Variants in CHST9 observed in about 807,000 individuals in gnomAD.
CHST9 encodes the protein GalNAc-4-sulfotransferase 2.
CHST9 carries 41 observed loss-of-function variants against 44.4 expected under a neutral mutation model. The ratio of observed to expected loss-of-function variants is 0.92; its 90% confidence interval spans 0.72 to 1.20. CHST9 has a LOEUF of 1.20. CHST9 is among the 50% of genes most tolerant of loss of function. The pLI, the probability that CHST9 is intolerant of heterozygous loss-of-function variation, is 0.00. For missense variants in CHST9, 504 were observed against 516.5 expected (o/e 0.98, Z 0.23); for synonymous variants, 171 against 178.4 (o/e 0.96, Z 0.33).
intron 4 of CHST9, 132 bp downstream of exon 4, chr18:27,023,984 G>A (rs1188325812): frequency 5.9e-6 from 5 of 852,412 alleles, no homozygotes; most frequent in African/African-American, 5.2e-5. Context: ...CCTAGGCAGT[G>A]CTTCCTAGGG....
At chr18:27,148,262 T>A (rs34605545) in intron 1 of CHST9, among the ~76,000 whole-genome samples, 59,555 of 151,302 alleles carry the variant, frequency 0.39, 12,233 homozygotes, top group East Asian at 0.62. Flanking sequence ...TTTTTTAATT[T>A]TATTATTATT....
At chr18:26,920,141 A>G (rs1285606194) in intron 5 of CHST9, among the ~76,000 whole-genome samples, 1 of 152,056 alleles carries the variant, frequency 6.6e-6, no homozygotes, top group Non-Finnish European at 1.5e-5. Context: ...TTCCTTGACC[A>G]CTTTGTTTTT....
At chr18:27,074,959 C>A (rs1057081955) in intron 2 of CHST9, among the ~76,000 whole-genome samples, 1 of 148,102 alleles carries the variant, frequency 6.8e-6, no homozygotes, top group Non-Finnish European at 1.5e-5. Context: ...TATATAGTCA[C>A]CAAATAGGAA....
At chr18:26,994,230 GA>G (rs2056858528) in intron 4 of CHST9, among the ~76,000 whole-genome samples, 1 of 152,162 alleles carries the variant, frequency 6.6e-6, no homozygotes, top group Admixed American at 6.5e-5. Flanking sequence ...CTAGGTTTCC[GA>G]AAAGATTTTA....
chr18:27,070,591 T>C lies in CHST9; in HGVS notation c.122-22088A>G, dbSNP rs374825482. Among the ~76,000 whole-genome samples the C allele has an allele frequency of 4.1e-4, 62 of 152,358 alleles. No homozygotes were observed. The South Asian group carries it at 0.012, about 30-fold the overall frequency. On this transcript the variant is annotated intron_variant, in intron 2 of 5. Transcript: ENST00000618847. The stretch of plus-strand genomic sequence containing the variant: ...TACATGATTTCACTCTTGCATTTAT[T>C]TAATGAAGATGTGTTTATTGAGACT...
At chr18:26,927,119 AAGTATAC>A (rs1254694569) in intron 5 of CHST9, among the ~76,000 whole-genome samples, 1 of 152,146 alleles carries the variant, frequency 6.6e-6, no homozygotes, top group Non-Finnish European at 1.5e-5. Flanking sequence ...CCTTGTTCTA[AAGTATAC>A]AGTTGCTAGA....
In CHST9 at chr18:26,916,393, A is replaced by T. The variant is rs777256953; in HGVS notation, c.1198T>A (p.Ser400Thr). The change falls in exon 6 of 6, where the codon TCT becomes ACT. Residue 400 changes from serine to threonine, a missense_variant. By Grantham distance (58) the Ser-to-Thr change is moderately conservative. Transcript: ENST00000618847. ...TGAGCATTGGTTCTTTCATCGGAAG[A>T]GTGCCTATCCTTAAAGTTGGGAAAT... ...LKFPNFKDRH[S>T]SDERTNAQVV... 26 of 1,613,684 alleles carry T rather than the reference A, an allele frequency of 1.6e-5. No individual in the cohort carries two copies.
At chr18:27,095,619 A>G (rs960167853) in intron 2 of CHST9, among the ~76,000 whole-genome samples, 3 of 152,192 alleles carry the variant, frequency 2.0e-5, no homozygotes, top group Admixed American at 1.3e-4. Context: ...ACGGAAAACA[A>G]AAAGAGCAGA....
intron 1 of CHST9, among the ~76,000 whole-genome samples, chr18:27,176,377 C>T (rs946844610): frequency 2.6e-5 from 4 of 151,948 alleles, no homozygotes; most frequent in Non-Finnish European, 5.9e-5. Context: ...TGTTTTTCTA[C>T]ACAAAGGATG....
chr18:27,068,522 C>T (rs983883954), intron 2 of CHST9, among the ~76,000 whole-genome samples: 4 of 152,184 alleles, frequency 2.6e-5, no homozygotes, highest in Non-Finnish European at 5.9e-5. Flanking sequence ...TCTTTGTGTA[C>T]GTTACATGTG....
intron 2 of CHST9, among the ~76,000 whole-genome samples, chr18:27,083,589 A>G (rs1293376482): frequency 1.3e-5 from 2 of 152,170 alleles, no homozygotes; most frequent in African/African-American, 4.8e-5. Flanking sequence ...CAAATGACCA[A>G]TTTGCCATTT....
At chr18:27,168,701 TTA>T (rs1293083767) in intron 1 of CHST9, among the ~76,000 whole-genome samples, 1 of 152,152 alleles carries the variant, frequency 6.6e-6, no homozygotes, top group Non-Finnish European at 1.5e-5. Context: ...GTAGATAGAA[TTA>T]TGAGAGAAAC....
intron 4 of CHST9, among the ~76,000 whole-genome samples, chr18:26,999,325 G>A (rs950727468): frequency 7.9e-5 from 12 of 152,082 alleles, no homozygotes; most frequent in Non-Finnish European, 1.6e-4. Flanking sequence ...ACTATTTGCT[G>A]TTCAATTCCT....
intron 2 of CHST9, among the ~76,000 whole-genome samples, chr18:27,078,473 GTA>G (rs141980740): frequency 6.6e-6 from 1 of 151,040 alleles, no homozygotes; most frequent in African/African-American, 2.4e-5. Context: ...TGTATGTAAA[GTA>G]TATATATATA....
At chr18:27,034,110 C>G (rs2057367656) in intron 3 of CHST9, among the ~76,000 whole-genome samples, 1 of 152,194 alleles carries the variant, frequency 6.6e-6, no homozygotes, top group Admixed American at 6.5e-5. Context: ...ACAGTCATTT[C>G]AAATTTAAGA....
rs558114326 is a variant in CHST9, at chr18:27,128,967, G to A, written c.121+13722C>T. Among the ~76,000 whole-genome samples the A allele has an allele frequency of 2.5e-3, 379 of 152,030 alleles. 2 individuals are homozygous for A. The highest frequency in any genetic ancestry group is 8.6e-3 in the African/African-American group (354 of 41,350). ...CCTTTTTGGGGTCTCCTATGTTCTA[G>A]GCCCTGTGGTCCTAACCCTCATGGG... is the stretch of plus-strand genomic sequence containing the variant. On this transcript the variant is annotated intron_variant, in intron 2 of 5. Transcript: ENST00000618847.
intron 4 of CHST9, among the ~76,000 whole-genome samples, chr18:26,947,650 CTCA>C (rs1205648913): frequency 6.6e-6 from 1 of 152,170 alleles, no homozygotes; most frequent in Non-Finnish European, 1.5e-5. Context: ...ATGAAAAAAG[CTCA>C]TCATCACTGG....
intron 2 of CHST9, among the ~76,000 whole-genome samples, chr18:27,099,565 A>G (rs2058150794): frequency 6.6e-6 from 1 of 152,224 alleles, no homozygotes; most frequent in African/African-American, 2.4e-5. Flanking sequence ...ATGAACAGAC[A>G]CTTCTCAAAA....
chr18:27,123,092 G>A (rs2058388871), intron 2 of CHST9, among the ~76,000 whole-genome samples: 1 of 152,154 alleles, frequency 6.6e-6, no homozygotes, highest in Non-Finnish European at 1.5e-5. Context: ...TACAGATCAA[G>A]CACAGTTCTT....
Sources: allele counts gnomAD v4.1 joint callset (sites outside exome capture counted in the v4.1 genomes callset), GRCh38; gene constraint gnomAD v4.1.1; transcripts MANE v1.5; gene names NCBI Gene and HGNC (gene_info 2026-07-23, HGNC 2026-07-21).